Variants in CNBD1 observed in about 807,000 individuals in gnomAD.
CNBD1 encodes the protein cyclic nucleotide-binding domain-containing protein 1.
A neutral mutation model predicts 54.4 loss-of-function variants in CNBD1; 71 were observed. That is an observed-to-expected ratio of 1.30 (90% CI 1.08 to 1.59). CNBD1 has a LOEUF of 1.59. CNBD1 is among the 40% of genes most tolerant of loss of function. The probability of loss-of-function intolerance (pLI) is 0.00; values close to 1 mark genes in which losing one functional copy is unlikely to be tolerated. For synonymous variants in CNBD1, 182 were observed against 170.7 expected, an observed-to-expected ratio of 1.07 and a Z score of -0.51; for missense variants, 659 against 518.0, an observed-to-expected ratio of 1.27 and a Z score of -2.64.
intron 10 of CNBD1, among the ~76,000 whole-genome samples, chr8:87,355,912 C>T (rs773750656): frequency 1.3e-5 from 2 of 152,088 alleles, no homozygotes; most frequent in Non-Finnish European, 2.9e-5. Flanking sequence ...GGCTTAGTGT[C>T]CTTCCTGGGT....
At chr8:87,402,542 G>A (rs376075830) in intron 2 of CNBD1, among the ~76,000 whole-genome samples, 8 of 152,044 alleles carry the variant, frequency 5.3e-5, no homozygotes, top group South Asian at 2.1e-4. Flanking sequence ...CATAAGGACC[G>A]AGCATGAGCA....
intron 4 of CNBD1, among the ~76,000 whole-genome samples, chr8:86,989,212 C>T (rs904502441): frequency 6.6e-6 from 1 of 152,066 alleles, no homozygotes; most frequent in Non-Finnish European, 1.5e-5. Context: ...ATCAAAGCTG[C>T]AGTGATCTCA....
intron 4 of CNBD1, among the ~76,000 whole-genome samples, chr8:86,984,786 A>G (rs1279609749): frequency 6.6e-6 from 1 of 152,130 alleles, no homozygotes; most frequent in Non-Finnish European, 1.5e-5. Flanking sequence ...GGAAGTAACT[A>G]ACTAGATTTT....
At chr8:87,378,479 T>C (rs2130956633) in intron 10 of CNBD1, among the ~76,000 whole-genome samples, 1 of 151,308 alleles carries the variant, frequency 6.6e-6, no homozygotes, top group East Asian at 1.9e-4. Context: ...TGTGGCATTA[T>C]TTCTGAGGGC....
At chr8:87,415,303 G>GTAT (rs775121503) in intron 2 of CNBD1, among the ~76,000 whole-genome samples, 1 of 151,704 alleles carries the variant, frequency 6.6e-6, no homozygotes, top group East Asian at 1.9e-4. Context: ...CCAAGAATTT[G>GTAT]TATTATTAAG....
At chr8:87,175,851 T>C (rs1052024246) in intron 4 of CNBD1, among the ~76,000 whole-genome samples, 5 of 152,178 alleles carry the variant, frequency 3.3e-5, no homozygotes, top group African/African-American at 1.2e-4. Context: ...TCCTAGAGCA[T>C]TTCAGTCTAT....
intron 4 of CNBD1, among the ~76,000 whole-genome samples, chr8:86,957,035 A>T (rs1225086312): frequency 3.3e-5 from 5 of 152,166 alleles, no homozygotes; most frequent in African/African-American, 7.2e-5. Flanking sequence ...AGTTTTTAGC[A>T]TGAAGGGCTG....
At chr8:87,388,880 C>A (rs980982177) in intron 2 of CNBD1, among the ~76,000 whole-genome samples, 1 of 152,144 alleles carries the variant, frequency 6.6e-6, no homozygotes, top group African/African-American at 2.4e-5. Context: ...AATCCAGCAG[C>A]ACATCAAAAA....
chr8:86,942,326 A>T (rs1012868563), intron 4 of CNBD1, among the ~76,000 whole-genome samples: 1 of 152,180 alleles, frequency 6.6e-6, no homozygotes, highest in South Asian at 2.1e-4. Context: ...AGTGGCTTAC[A>T]ACAACATAAT....
chr8:87,041,684 A>G (rs915423295), intron 4 of CNBD1, among the ~76,000 whole-genome samples: 7 of 152,182 alleles, frequency 4.6e-5, no homozygotes, highest in Non-Finnish European at 5.9e-5. Flanking sequence ...CTGTAGTCCC[A>G]GCTACTTGGG....
chr8:87,419,165 TTAAAA>T (rs1367563188), intron 2 of CNBD1, among the ~76,000 whole-genome samples: 1 of 151,904 alleles, frequency 6.6e-6, no homozygotes, highest in African/African-American at 2.4e-5. Flanking sequence ...TAGATGAATC[TTAAAA>T]TAACAAAGTC....
chr8:87,382,899 A>G (rs1811111047), downstream of CNBD1: 3 of 326,912 alleles, frequency 9.2e-6, no homozygotes, highest in African/African-American at 5.0e-5. Flanking sequence ...GTGTTTCGGT[A>G]TACATGTAAA....
At chr8:87,012,835 A>T (rs1809252810) in intron 4 of CNBD1, among the ~76,000 whole-genome samples, 2 of 152,172 alleles carry the variant, frequency 1.3e-5, no homozygotes, top group Non-Finnish European at 2.9e-5. Context: ...TTTCCAAACC[A>T]AACCAGTGTA....
At position 86,991,163 on chromosome 8, in the gene CNBD1, C is replaced by T. The variant is rs140128730; in HGVS notation, c.431+51409C>T. On this transcript the variant is annotated intron_variant, in intron 4 of 10. Coordinates refer to ENST00000518476, the MANE Select transcript of CNBD1 (RefSeq NM_173538.3). ...ACTTCTTCCTTTGGAAATTGGATGC[C>T]CTTTATTTCTTTATCTTATGTGATT... Among the ~76,000 whole-genome samples the T allele has an allele frequency of 2.6e-3, 393 of 152,008 alleles. 2 individuals are homozygous for T. Among genetic ancestry groups the T allele is most frequent in the Admixed American group, 4.3e-3 (66 of 15,262 alleles).
In CNBD1 at chr8:87,113,451, C is replaced by T. The variant is rs758714242; in HGVS notation, c.432-92542C>T. On this transcript the variant is annotated intron_variant, in intron 4 of 10. Coordinates refer to ENST00000518476, the MANE Select transcript of CNBD1 (RefSeq NM_173538.3). ...CAGCTTAAATTTGAAAGGGTTTAAGCGAGGATGAATTTGTGAAGTCTCCAG... is the reference window on the plus strand; with the variant it reads ...CAGCTTAAATTTGAAAGGGTTTAAGTGAGGATGAATTTGTGAAGTCTCCAG... Among the ~76,000 whole-genome samples, 25 of 152,094 alleles carry T rather than the reference C, an allele frequency of 1.6e-4. 1 individual carries two copies. Among genetic ancestry groups the T allele is most frequent in the African/African-American group, 4.8e-4 (20 of 41,396 alleles).
At chr8:87,254,376 G>A (rs979650160) in intron 6 of CNBD1, among the ~76,000 whole-genome samples, 8 of 152,192 alleles carry the variant, frequency 5.3e-5, no homozygotes, top group Non-Finnish European at 8.8e-5. Context: ...TTCAATCAAA[G>A]CATTTCTGTT....
intron 8 of CNBD1, among the ~76,000 whole-genome samples, chr8:87,302,878 C>A (rs1350174070): frequency 6.6e-6 from 1 of 152,048 alleles, no homozygotes; most frequent in Non-Finnish European, 1.5e-5. Context: ...AGTAAACTCC[C>A]AATCACAATT....
chr8:87,228,753 C>G (rs1408295251), intron 5 of CNBD1, among the ~76,000 whole-genome samples: 4 of 152,008 alleles, frequency 2.6e-5, no homozygotes, highest in Non-Finnish European at 5.9e-5. Flanking sequence ...CCTCCTTGAG[C>G]TGTGGTGGGC....
intron 2 of CNBD1, among the ~76,000 whole-genome samples, chr8:87,401,521 G>A (rs985949120): frequency 2.0e-5 from 3 of 152,020 alleles, no homozygotes; most frequent in African/African-American, 7.2e-5. Context: ...CTGTGCTAAT[G>A]AACATTATGC....
Sources: allele counts gnomAD v4.1 joint callset (sites outside exome capture counted in the v4.1 genomes callset), GRCh38; gene constraint gnomAD v4.1.1; transcripts MANE v1.5; gene names NCBI Gene and HGNC (gene_info 2026-07-23, HGNC 2026-07-21).